Variants in PLOD1 observed in about 807,000 individuals in gnomAD.
PLOD1 encodes lysine hydroxylase.
Under a neutral mutation model 94.7 loss-of-function variants are expected in PLOD1, and 70 were observed. The observed-to-expected ratio is 0.74, with a 90% CI of 0.61 to 0.90. The LOEUF (loss-of-function observed/expected upper bound fraction) is 0.90, where lower values mean the gene tolerates loss of function less well. Ranked by LOEUF, PLOD1 falls within the 40% of genes least tolerant of loss-of-function variation. PLOD1 has a pLI of 0.00. For missense variants in PLOD1, 905 were observed against 972.7 expected, an observed-to-expected ratio of 0.93 and a Z score of 0.93; for synonymous variants, 417 against 400.2, an observed-to-expected ratio of 1.04 and a Z score of -0.50.
At chr1:11,973,703 C>G (rs1645882484) in intron 18 of PLOD1, among the ~76,000 whole-genome samples, 1 of 152,026 alleles carries the variant, frequency 6.6e-6, no homozygotes, top group East Asian at 1.9e-4. Context: ...CCTCAGCCCC[C>G]CCAAGTAGTT....
intron 5 of PLOD1, 138 bp downstream of exon 5, chr1:11,952,873 C>T: frequency 3.1e-6 from 2 of 634,996 alleles, no homozygotes; most frequent in South Asian, 1.7e-5. Context: ...CTGCCATAGG[C>T]TGGGTGGCTC....
Position 11,934,818 on chromosome 1 carries a change from G to T in PLOD1, c.39G>T (p.Leu13=). 1 of 1,540,842 alleles carries T rather than the reference G, an allele frequency of 6.5e-7. No homozygotes were observed. The part of the protein sequence containing the change: ...PLLLLALLGW[L]LLAEAKGDAK... ...TGCTACTGGCCCTGCTGGGCTGGCT[G>T]CTGCTGGCCGAAGCGAAGGGCGACG... The change falls in exon 1 of 19, where the codon CTG becomes CTT. Residue 13 remains leucine, a synonymous_variant. Coordinates refer to ENST00000196061, the MANE Select transcript of PLOD1 (RefSeq NM_000302.4).
chr1:11,951,699 C>T (rs1233691499), intron 4 of PLOD1, among the ~76,000 whole-genome samples: 1 of 149,370 alleles, frequency 6.7e-6, no homozygotes, highest in Non-Finnish European at 1.5e-5. Flanking sequence ...GTGGGCGGAT[C>T]ACGAGGTCAG....
chr1:11,944,453 ACT>A (rs1569674373), intron 1 of PLOD1: 22 of 977,710 alleles, frequency 2.3e-5, no homozygotes, highest in East Asian at 1.9e-4. Context: ...ACACACACAC[ACT>A]CACTCACATG....
At position 11,963,684 on chromosome 1, in the gene PLOD1, C is replaced by T; in HGVS notation, c.1202+48C>T. On this transcript the variant is annotated intron_variant, in intron 11 of 18. Transcript: ENST00000196061. This position sits in a 1 kb window ranked among gnomAD's most constrained non-coding sequence, Gnocchi z 4.3. ...CAGCACTGCTCAGGACTGGCCTGGT[C>T]CTGGGGTGGCAGCCCTCCTTGCCTT... 7.9e-7 allele frequency: 1 copy of T among 1,272,858 alleles called. No homozygotes were observed. Among genetic ancestry groups the T allele is most frequent in the Non-Finnish European group, 1.1e-6 (1 of 889,096 alleles). 78.8% of individuals were successfully genotyped at this position (1,272,858 alleles called of 1,614,324 possible).
At position 11,963,396 on chromosome 1, in the gene PLOD1, C is replaced by G; in HGVS notation, c.1098-136C>G. On this transcript the variant is annotated intron_variant, in intron 10 of 18. Transcript: ENST00000196061. The surrounding 1 kb of genome is among the most constrained non-coding windows in gnomAD (Gnocchi z 4.3). ...GTTTGGGACTCAGAGTCGGGAGGAA[C>G]CTTTGAGGCTGCTGGTGTGACCTCT... 1 of 693,408 alleles carries G rather than the reference C, an allele frequency of 1.4e-6. No homozygotes were observed. Among genetic ancestry groups the G allele is most frequent in the Non-Finnish European group, 2.6e-6 (1 of 378,262 alleles). 43.0% of individuals were successfully genotyped at this position (693,408 alleles called of 1,614,324 possible). A position where few individuals can be genotyped will look rare whatever the true frequency, so the allele number is the denominator to read the frequency against.
Position 11,972,660 on chromosome 1 carries a change from T to A in PLOD1, c.1903-212T>A. 2.4e-6 allele frequency: 1 copy of A among 419,558 alleles called. No individual in the cohort carries two copies. 26.0% of individuals were successfully genotyped at this position (419,558 alleles called of 1,614,324 possible). On this transcript the variant is annotated intron_variant, in intron 17 of 18. Coordinates refer to ENST00000196061, the MANE Select transcript of PLOD1 (RefSeq NM_000302.4). The surrounding 1 kb of genome is among the most constrained non-coding windows in gnomAD (Gnocchi z 4.6). ...CTTCCCCTCTGTTCTCTTCCTTCCC[T>A]CCCTCTCTCCCCTCTGTCCATACAT...
intron 3 of PLOD1, 128 bp downstream of exon 3, chr1:11,950,034 G>T: frequency 1.0e-6 from 1 of 1,001,160 alleles, no homozygotes; most frequent in African/African-American, 1.6e-5. Context: ...TAGTTTTAGG[G>T]TGTCCATTCC....
intron 5 of PLOD1, among the ~76,000 whole-genome samples, chr1:11,953,019 A>G (rs1645714233): frequency 6.6e-6 from 1 of 152,158 alleles, no homozygotes; most frequent in Non-Finnish European, 1.5e-5. Flanking sequence ...GGAAGGGGGT[A>G]GGGAGCTCAC....
chr1:11,937,974 A>T (rs1645591388), intron 1 of PLOD1, among the ~76,000 whole-genome samples: 1 of 136,830 alleles, frequency 7.3e-6, no homozygotes, highest in Non-Finnish European at 1.5e-5. Context: ...TTTCTTTGAG[A>T]CAGAGTCTCG....
At chr1:11,945,083 GA>G (rs1645641281) in intron 1 of PLOD1, among the ~76,000 whole-genome samples, 1 of 152,216 alleles carries the variant, frequency 6.6e-6, no homozygotes, top group Admixed American at 6.5e-5. Context: ...AGGTGGAAGG[GA>G]CGTCATTGTC....
intron 10 of PLOD1, among the ~76,000 whole-genome samples, chr1:11,961,840 G>A (rs1645779668): frequency 6.6e-6 from 1 of 152,174 alleles, no homozygotes; most frequent in Admixed American, 6.6e-5. Context: ...TCAGGCTGGA[G>A]CGCAGTGGCG....
chr1:11,950,144 T>C (rs1275338758), intron 3 of PLOD1, among the ~76,000 whole-genome samples: 1 of 152,102 alleles, frequency 6.6e-6, no homozygotes, highest in East Asian at 1.9e-4. Flanking sequence ...GAATGACATG[T>C]TGTGGGGACC....
At chr1:11,938,619 C>T (rs886994753) in intron 1 of PLOD1, among the ~76,000 whole-genome samples, 3 of 152,248 alleles carry the variant, frequency 2.0e-5, no homozygotes, top group African/African-American at 7.2e-5. Context: ...CCAGCTCTTC[C>T]CTTTCCCTGG....
At chr1:11,948,138 C>A in intron 2 of PLOD1, 71 bp downstream of exon 2, 1 of 1,020,540 alleles carries the variant, frequency 9.8e-7, no homozygotes, top group Non-Finnish European at 1.6e-6. Context: ...GTGTCCTTTC[C>A]AAACTACCAC....
intron 1 of PLOD1, chr1:11,944,649 G>A: frequency 7.4e-7 from 1 of 1,358,474 alleles, no homozygotes; most frequent in East Asian, 4.6e-5. Flanking sequence ...CTCGTTTCTG[G>A]ATCCCAGGTT....
At chr1:11,973,508 AC>A (rs1645880922) in intron 18 of PLOD1, among the ~76,000 whole-genome samples, 2 of 152,258 alleles carry the variant, frequency 1.3e-5, no homozygotes, top group South Asian at 4.2e-4. Flanking sequence ...TCCAAAAAAA[AC>A]AAAAAGAGGT....
At chr1:11,945,928 C>T (rs182812025) in intron 1 of PLOD1, among the ~76,000 whole-genome samples, 4 of 152,076 alleles carry the variant, frequency 2.6e-5, no homozygotes, top group African/African-American at 7.2e-5. Context: ...AGGCTGTTCT[C>T]GAACTCCTGA....
rs774882355 is a variant in PLOD1 at position 11,957,855 on chromosome 1, A to G, written c.755A>G (p.Tyr252Cys). 2.5e-6 allele frequency: 4 copies of G among 1,613,398 alleles called. No homozygotes were observed. Among genetic ancestry groups the G allele is most frequent in the Non-Finnish European group, 8.5e-7 (1 of 1,179,490 alleles). Residue 252 changes from tyrosine (Y) to cysteine (C), a missense_variant, in exon 8 of 19, where the codon TAC becomes TGC. Physicochemically the swap from Tyr to Cys is radical, Grantham distance 194. Transcript: ENST00000196061. The surrounding 1 kb of genome is among the most constrained non-coding windows in gnomAD (Gnocchi z 4.1). The part of the protein sequence containing the change: ...GNGPTKLQLN[Y>C]LGNYIPRFWT... The stretch of plus-strand genomic sequence containing the variant: ...TCTCCCCGACAGCTGCAGTTGAACT[A>G]CCTGGGCAACTACATCCCGCGCTTC...
Sources: gnomAD v4.1 joint callset for allele counts (sites outside exome capture counted in the v4.1 genomes callset) on GRCh38, gnomAD v4.1.1 for gene constraint, Gnocchi (gnomAD v3.1) non-coding constraint, MANE v1.5 for transcripts, NCBI Gene and HGNC (gene_info 2026-07-23, HGNC 2026-07-21) for gene names.